STAG2: variants seen among roughly 807,000 people sequenced by gnomAD.
STAG2 encodes STAG2 cohesin complex component.
A neutral mutation model predicts 108.1 loss-of-function variants in STAG2; 14 were observed. The ratio of observed to expected loss-of-function variants is 0.13; its 90% CI spans 0.09 to 0.20. STAG2 has a LOEUF of 0.20. STAG2 is among the 10% of genes least tolerant of loss of function. STAG2 has a pLI of 1.00. For synonymous variants in STAG2, 307 were observed against 302.7 expected (o/e 1.01, Z -0.15); for missense variants, 440 against 940.9 (o/e 0.47, Z 6.96).
intron 30 of STAG2, 118 bp from the exon 31 acceptor site, chrX:124,090,457 C>T: frequency 1.6e-6 from 1 of 609,633 alleles, no homozygotes; most frequent in Non-Finnish European, 2.6e-6. Context: ...TTTGTGTCCC[C>T]CGTTCCTGTG....
At chrX:123,973,083 A>G (rs1430760968) in intron 1 of STAG2, among the ~76,000 whole-genome samples, 5 of 109,208 alleles carry the variant, frequency 4.6e-5, no homozygotes, top group African/African-American at 1.7e-4. Context: ...AATAAAATAA[A>G]AAAAAAATGC....
chrX:124,047,364 G>C lies in STAG2; in HGVS notation c.678G>C (p.Leu226Phe), dbSNP rs2057908375. Residue 226 changes from leucine (L) to phenylalanine (F), a missense_variant, in exon 9 of 35, where the codon TTG becomes TTC. By Grantham distance (22) the Leu-to-Phe change is conservative (BLOSUM62 0). Around this residue, in one of 3 missense-constraint regions of STAG2, gnomAD observed 69 missense variants for 254.9 expected, o/e 0.27. Coordinates refer to ENST00000371145, the MANE Select transcript of STAG2 (RefSeq NM_001042750.2). Reference protein sequence around the residue: ...RHTSTLAAMKLMTALVNVALN... With the variant: ...RHTSTLAAMKFMTALVNVALN... ...ACTCTTTAAAAATAGCTATGAAGTT[G>C]ATGACAGCTTTGGTGAATGTGGCAC... The C allele has an allele frequency of 1.7e-6, 2 of 1,189,667 alleles. No individual in the cohort carries two copies. Among genetic ancestry groups the C allele is most frequent in the Non-Finnish European group, 2.3e-6 (2 of 886,189 alleles).
At chrX:123,964,262 A>G (rs1415515374) in intron 1 of STAG2, among the ~76,000 whole-genome samples, 1 of 111,761 alleles carries the variant, frequency 8.9e-6, no homozygotes, top group Non-Finnish European at 1.9e-5. Context: ...AAAAAAAAAA[A>G]ACGTTTAAAC....
At chrX:124,028,897 C>T (rs1312148119) in intron 4 of STAG2, among the ~76,000 whole-genome samples, 1 of 101,447 alleles carries the variant, frequency 9.9e-6, no homozygotes, top group African/African-American at 3.6e-5. Flanking sequence ...AAGCAATCTT[C>T]CCATCTCAAC....
At chrX:124,040,314 T>C (rs754316770) in intron 6 of STAG2, among the ~76,000 whole-genome samples, 47 of 111,554 alleles carry the variant, frequency 4.2e-4, no homozygotes, top group South Asian at 1.1e-3. Flanking sequence ...AGTGTTTTCT[T>C]CTTTTTTTCC....
intron 4 of STAG2, among the ~76,000 whole-genome samples, chrX:124,028,540 G>A (rs1316146334): frequency 9.0e-6 from 1 of 110,735 alleles, no homozygotes; most frequent in Non-Finnish European, 1.9e-5. Context: ...AAACCCAGGG[G>A]AGGACTACTG....
At chrX:124,005,879 G>C (rs1417280947) in intron 1 of STAG2, among the ~76,000 whole-genome samples, 1 of 111,622 alleles carries the variant, frequency 9.0e-6, no homozygotes, top group Non-Finnish European at 1.9e-5. Flanking sequence ...AATCTATTCT[G>C]TCCCCCTCTC....
intron 29 of STAG2, 116 bp from the exon 30 acceptor site, chrX:124,086,431 T>C: frequency 2.0e-6 from 1 of 504,940 alleles, no homozygotes; most frequent in Middle Eastern, 5.2e-4. Context: ...TGTTCATTAA[T>C]GTCCTGTAAG....
intron 1 of STAG2, among the ~76,000 whole-genome samples, chrX:124,002,358 G>A (rs745410808): frequency 2.7e-5 from 3 of 111,990 alleles, no homozygotes; most frequent in Non-Finnish European, 5.6e-5. Context: ...ATACACCACA[G>A]TCTTCATATA....
chrX:124,088,070 T>C (rs190317600), intron 30 of STAG2, among the ~76,000 whole-genome samples: 2 of 112,083 alleles, frequency 1.8e-5, no homozygotes, highest in Non-Finnish European at 1.9e-5. Context: ...CAAAATGTTA[T>C]CAAATTGAAA....
intron 17 of STAG2, among the ~76,000 whole-genome samples, chrX:124,062,323 A>C (rs1455126064): frequency 8.9e-6 from 1 of 112,257 alleles, no homozygotes; most frequent in Non-Finnish European, 1.9e-5. Context: ...AGGCTTTCAA[A>C]CTTTTGACTG....
intron 4 of STAG2, among the ~76,000 whole-genome samples, chrX:124,029,322 A>T: frequency 1.3e-5 from 1 of 78,408 alleles, no homozygotes; most frequent in Non-Finnish European, 2.5e-5. Flanking sequence ...CGGCCTATTT[A>T]TTGCTCGAGA....
intron 28 of STAG2, 62 bp from the exon 29 acceptor site, chrX:124,083,359 T>C (rs2059012028): frequency 1.4e-5 from 13 of 953,393 alleles, no homozygotes; most frequent in Middle Eastern, 4.3e-4. Context: ...TCCTAAGTTA[T>C]TGACTTTTTT....
At chrX:124,034,617 A>G (rs2057448400) in intron 5 of STAG2, among the ~76,000 whole-genome samples, 1 of 111,046 alleles carries the variant, frequency 9.0e-6, no homozygotes, top group Admixed American at 9.6e-5. Flanking sequence ...TGTTGTTTGC[A>G]ATAGTTTTAT....
chrX:124,018,130 T>C (rs954599429), intron 1 of STAG2, among the ~76,000 whole-genome samples: 2 of 112,174 alleles, frequency 1.8e-5, no homozygotes, highest in Non-Finnish European at 3.8e-5. Context: ...ATTTCTATGC[T>C]TTATCCTCCA....
chrX:124,002,829 T>C (rs927679191), intron 1 of STAG2, among the ~76,000 whole-genome samples: 1 of 102,174 alleles, frequency 9.8e-6, no homozygotes, highest in African/African-American at 3.7e-5. Flanking sequence ...TTTTTTTTTG[T>C]ATTTTTAGTA....
At chrX:123,966,735 T>A (rs1222489731) in intron 1 of STAG2, among the ~76,000 whole-genome samples, 1 of 111,851 alleles carries the variant, frequency 8.9e-6, no homozygotes, top group Non-Finnish European at 1.9e-5. Flanking sequence ...TTTTTGTTGA[T>A]GTGCCTTTTA....
At chrX:123,998,521 C>T (rs1189389610) in intron 1 of STAG2, among the ~76,000 whole-genome samples, 1 of 104,923 alleles carries the variant, frequency 9.5e-6, no homozygotes, top group African/African-American at 3.5e-5. Context: ...ATATCGTTTT[C>T]CACAGTTACA....
intron 1 of STAG2, among the ~76,000 whole-genome samples, chrX:124,013,455 A>G (rs2056596517): frequency 9.0e-6 from 1 of 111,694 alleles, no homozygotes; most frequent in Admixed American, 9.6e-5. Context: ...TGACCTTGGC[A>G]GACTGAGAAA....
Sources: gnomAD v4.1 joint callset for allele counts (sites outside exome capture counted in the v4.1 genomes callset) on GRCh38, gnomAD v4.1.1 for gene constraint, gnomAD v4.1.1 regional missense constraint, MANE v1.5 for transcripts, NCBI Gene and HGNC (gene_info 2026-07-23, HGNC 2026-07-21) for gene names.